Variants in CFAP52 observed in about 807,000 individuals in gnomAD.
CFAP52 encodes cilia and flagella associated protein 52.
Under a neutral mutation model 70.5 loss-of-function variants are expected in CFAP52, and 57 were observed. The observed-to-expected ratio is 0.81, with a 90% CI of 0.65 to 1.01. The LOEUF is 1.01. Among genes scored for constraint, CFAP52 ranks in the 50% least tolerant of loss-of-function variants. CFAP52 has a pLI of 0.00. For synonymous variants in CFAP52, 267 were observed against 292.5 expected, an observed-to-expected ratio of 0.91 and a Z score of 0.89; for missense variants, 785 against 788.5, an observed-to-expected ratio of 1.00 and a Z score of 0.05.
intron 9 of CFAP52, among the ~76,000 whole-genome samples, chr17:9,632,664 G>A (rs1457487306): frequency 6.6e-6 from 1 of 152,146 alleles, no homozygotes; most frequent in African/African-American, 2.4e-5. Context: ...TGGAATTGAG[G>A]GTAATCAAGG....
chr17:9,636,174 C>A lies in CFAP52; in HGVS notation c.1472+618C>A, dbSNP rs868217922. On this transcript the variant is annotated intron_variant, in intron 11 of 13. Transcript: ENST00000352665. ...GGGCAACAAGAGTGAAACTCTGTCT[C>A]AAAAAAAAGAAAGAAAGAAAGAAAG... 3.9e-3 allele frequency among the ~76,000 whole-genome samples: 304 copies of A among 78,554 alleles called. 1 individual carries two copies. The highest frequency in any genetic ancestry group is 0.014 in the Middle Eastern group (2 of 142). The allele number at this position is 78,554 out of a possible 152,430, so 51.5% of individuals were successfully genotyped here. A position where few individuals can be genotyped will look rare whatever the true frequency, so the allele number is the denominator to read the frequency against.
At chr17:9,582,270 A>G (rs149819920) in intron 1 of CFAP52, among the ~76,000 whole-genome samples, 2 of 152,302 alleles carry the variant, frequency 1.3e-5, no homozygotes, top group African/African-American at 4.8e-5. Flanking sequence ...TCTCCCACCA[A>G]GCATTTTATG....
At chr17:9,634,852 G>A (rs1910704529) in intron 10 of CFAP52, among the ~76,000 whole-genome samples, 1 of 152,106 alleles carries the variant, frequency 6.6e-6, no homozygotes, top group Admixed American at 6.5e-5. Context: ...TTTAAATTTT[G>A]TGTGTAGGTA....
In CFAP52 at chr17:9,643,418, A is replaced by T. The variant is rs112927879; in HGVS notation, c.*220A>T. The T allele has an allele frequency of 6.0e-3, 2,401 of 400,798 alleles. 61 individuals carry two copies. The highest frequency in any genetic ancestry group is 0.045 in the African/African-American group (2,198 of 48,594). 24.8% of individuals were successfully genotyped at this position (400,798 alleles called of 1,614,324 possible). On this transcript the variant is annotated 3_prime_UTR_variant, in exon 14 of 14. Coordinates refer to ENST00000352665, the MANE Select transcript of CFAP52 (RefSeq NM_145054.5). ...TGTGCAGACTCTAATTAGAACTTTT[A>T]ACATTTTGAATAAATTCTTAGTTGT...
intron 3 of CFAP52, among the ~76,000 whole-genome samples, chr17:9,587,859 C>T (rs987981055): frequency 1.2e-4 from 18 of 152,162 alleles, no homozygotes; most frequent in African/African-American, 3.6e-4. Flanking sequence ...TCTCTCTTGG[C>T]CCGTCTGTAT....
chr17:9,623,612 A>G (rs1005076906), intron 8 of CFAP52, among the ~76,000 whole-genome samples: 1 of 152,126 alleles, frequency 6.6e-6, no homozygotes, highest in Non-Finnish European at 1.5e-5. Context: ...ATTCTTTCTT[A>G]TATATCTAAG....
chr17:9,626,536 G>A (rs971077972), intron 8 of CFAP52, among the ~76,000 whole-genome samples: 2 of 152,168 alleles, frequency 1.3e-5, no homozygotes, highest in African/African-American at 4.8e-5. Flanking sequence ...GACCTGGAAA[G>A]TTCTTCGGGG....
At chr17:9,631,012 A>AAGAAAGAGAGAGAGAG (rs1910467170) in intron 9 of CFAP52, among the ~76,000 whole-genome samples, 3 of 53,310 alleles carry the variant, frequency 5.6e-5, no homozygotes, top group South Asian at 1.0e-3. Flanking sequence ...GAAAGAAAGA[A>AAGAAAGAGAGAGAGAG]AGAAAGAAAG....
In CFAP52 at chr17:9,639,113, T is replaced by C. The variant is rs911508030; in HGVS notation, c.1575+402T>C. ...AATAGAGCTCCTCATCTCTCAGCAC[T>C]GTACTTCATCAATACATTAAAAATC... On this transcript the variant is annotated intron_variant, in intron 12 of 13. Coordinates refer to ENST00000352665, the MANE Select transcript of CFAP52 (RefSeq NM_145054.5). 9 of 178,750 alleles carry C rather than the reference T, an allele frequency of 5.0e-5. 2 individuals are homozygous for C. Among genetic ancestry groups the C allele is most frequent in the Non-Finnish European group, 1.2e-5 (1 of 84,362 alleles). 11.1% of individuals were successfully genotyped at this position (178,750 alleles called of 1,614,324 possible).
intron 1 of CFAP52, 40 bp from the exon 2 acceptor site, chr17:9,585,733 C>T (rs777581104): frequency 1.2e-6 from 2 of 1,603,678 alleles, no homozygotes; most frequent in South Asian, 1.1e-5. Context: ...CTGGCCACTT[C>T]TGCACCTGAT....
intron 10 of CFAP52, among the ~76,000 whole-genome samples, chr17:9,634,542 G>A (rs958960782): frequency 1.3e-5 from 2 of 150,454 alleles, no homozygotes; most frequent in Admixed American, 6.6e-5. Context: ...CCGAGACCAC[G>A]CCATTGCATT....
intron 1 of CFAP52, among the ~76,000 whole-genome samples, chr17:9,581,289 T>C (rs1482906214): frequency 1.3e-5 from 2 of 152,234 alleles, no homozygotes; most frequent in Non-Finnish European, 2.9e-5. Context: ...TGCCACTGAA[T>C]TGTTCACGTT....
intron 6 of CFAP52, among the ~76,000 whole-genome samples, chr17:9,605,314 A>G (rs1246992920): frequency 1.3e-5 from 2 of 152,216 alleles, no homozygotes; most frequent in African/African-American, 4.8e-5. Flanking sequence ...GAAAAGAAGG[A>G]AACTGAGATG....
rs367781619 is a variant in CFAP52, at chr17:9,638,737, A to G, written c.1575+26A>G. On this transcript the variant is annotated intron_variant, in intron 12 of 13. Coordinates refer to ENST00000352665, the MANE Select transcript of CFAP52 (RefSeq NM_145054.5). ...GTGAGTCCTCCCAGTGAGAGATGAG[A>G]TCTTTCCAGCGCAAGAGAAAAGCAG... The G allele has an allele frequency of 1.2e-4, 191 of 1,608,834 alleles. 2 individuals are homozygous for G. In the South Asian group the frequency reaches 2.0e-3, roughly 17 times the overall value.
chr17:9,610,940 A>G (rs12103586), intron 7 of CFAP52, among the ~76,000 whole-genome samples: 14,963 of 152,248 alleles, frequency 0.098, 1,206 homozygotes, highest in African/African-American at 0.22. Flanking sequence ...AGCAACAGAT[A>G]TAAAGGAGCA....
chr17:9,609,332 T>C (rs1053423500), intron 7 of CFAP52, among the ~76,000 whole-genome samples: 4 of 151,940 alleles, frequency 2.6e-5, no homozygotes, highest in African/African-American at 9.7e-5. Flanking sequence ...AAGTACATAG[T>C]ATTAGAGGGT....
intron 1 of CFAP52, among the ~76,000 whole-genome samples, chr17:9,577,736 G>A (rs1421634078): frequency 2.0e-5 from 3 of 152,180 alleles, no homozygotes; most frequent in Non-Finnish European, 2.9e-5. Context: ...AAACAATTGA[G>A]CAGCCTACAG....
intron 1 of CFAP52, among the ~76,000 whole-genome samples, chr17:9,583,268 C>G (rs1431700070): frequency 6.6e-6 from 1 of 151,618 alleles, no homozygotes; most frequent in East Asian, 1.9e-4. Context: ...AAGGAACACT[C>G]AATTAAAATG....
rs1226976034 is a variant in CFAP52, at chr17:9,585,512, CAAA to C, written c.71-254_71-252del. On this transcript the variant is annotated intron_variant, in intron 1 of 13. Transcript: ENST00000352665. The stretch of plus-strand genomic sequence containing the variant: ...TGAAACCCCGTCTCTACTAAAAATA[CAAA>C]AAAAAATTAGCCAGGTGTGGTGGCG... Among the ~76,000 whole-genome samples, 7 of 151,302 alleles carry C rather than the reference CAAA, an allele frequency of 4.6e-5. No homozygotes were observed. The South Asian group carries it at 8.4e-4, about 18-fold the overall frequency.
Sources: allele counts gnomAD v4.1 joint callset (sites outside exome capture counted in the v4.1 genomes callset), GRCh38; gene constraint gnomAD v4.1.1; transcripts MANE v1.5; gene names NCBI Gene and HGNC (gene_info 2026-07-23, HGNC 2026-07-21).